PBX4: variants seen among roughly 807,000 people sequenced by gnomAD.
PBX4 encodes the protein pre-B-cell leukemia transcription factor 4.
A neutral mutation model predicts 35.1 loss-of-function variants in PBX4; 26 were observed. That is an observed-to-expected ratio of 0.74 (90% confidence interval 0.54 to 1.03). PBX4 has a LOEUF of 1.03. Ranked by LOEUF, PBX4 falls within the 50% of genes least tolerant of loss-of-function variation. The probability of loss-of-function intolerance (pLI) is 0.00; values close to 1 mark genes in which losing one functional copy is unlikely to be tolerated. For synonymous variants in PBX4, 199 were observed against 204.2 expected, an observed-to-expected ratio of 0.97 and a Z score of 0.22; for missense variants, 448 against 504.3, an observed-to-expected ratio of 0.89 and a Z score of 1.07.
In PBX4 at chr19:19,570,821, C is replaced by CG; in HGVS notation, c.205dup (p.Arg69ProfsTer10). On this transcript the variant is annotated frameshift_variant, in exon 3 of 8. Transcript: ENST00000251203. LOFTEE classifies it high-confidence loss of function. ...AGGGGGATCTTCGTCTTGAATGCCA[C>CG]GGATGCTTACCACTAGATAAGAGAG... 6.2e-7 allele frequency: 1 copy of CG among 1,613,974 alleles called. No homozygotes were observed. The highest frequency in any genetic ancestry group is 1.3e-5 in the African/African-American group (1 of 75,020).
chr19:19,561,996 C>G lies in PBX4; in HGVS notation c.*29G>C. 6.3e-7 allele frequency: 1 copy of G among 1,582,028 alleles called. No homozygotes were observed. Among genetic ancestry groups the G allele is most frequent in the Non-Finnish European group, 8.7e-7 (1 of 1,155,762 alleles). ...GGCTGGCGATACATGGCAGCTCACG[C>G]AGCGCTCTTTCCTGCTTATCCCCCA... On this transcript the variant is annotated 3_prime_UTR_variant, in exon 8 of 8. Transcript: ENST00000251203.
intron 2 of PBX4, among the ~76,000 whole-genome samples, chr19:19,588,855 G>T (rs577676690): frequency 6.6e-6 from 1 of 152,316 alleles, no homozygotes; most frequent in Non-Finnish European, 1.5e-5. Context: ...GTTCACCAGG[G>T]CTGGACAGGT....
intron 1 of PBX4, among the ~76,000 whole-genome samples, chr19:19,600,816 C>CAA (rs35643130): frequency 1.1e-5 from 1 of 88,738 alleles, no homozygotes; most frequent in Non-Finnish European, 2.3e-5. Flanking sequence ...GACTCCATCT[C>CAA]AAAAAAAAAA....
intron 1 of PBX4, among the ~76,000 whole-genome samples, chr19:19,612,620 G>A (rs970319300): frequency 1.3e-5 from 2 of 152,132 alleles, no homozygotes; most frequent in Non-Finnish European, 2.9e-5. Context: ...GCCCATTTGA[G>A]GATGGATGAT....
intron 1 of PBX4, among the ~76,000 whole-genome samples, chr19:19,606,924 A>G (rs34725331): frequency 0.76 from 115,014 of 151,966 alleles, 43,607 homozygotes; most frequent in South Asian, 0.8. Flanking sequence ...CCAGGAGGTG[A>G]AGGTTGCAGT....
At chr19:19,592,384 G>T (rs1454051105) in intron 2 of PBX4, among the ~76,000 whole-genome samples, 1 of 152,174 alleles carries the variant, frequency 6.6e-6, no homozygotes, top group Non-Finnish European at 1.5e-5. Context: ...GGTTTGGGAG[G>T]AAATGCATAC....
At chr19:19,569,335 C>T (rs2061365302) in intron 5 of PBX4, 114 bp downstream of exon 5, 1 of 1,360,876 alleles carries the variant, frequency 7.3e-7, no homozygotes, top group South Asian at 1.7e-5. Context: ...GCTGGGATTC[C>T]AGCAGCCATG....
chr19:19,584,934 T>G (rs1296989203), intron 2 of PBX4, among the ~76,000 whole-genome samples: 3 of 152,056 alleles, frequency 2.0e-5, no homozygotes, highest in Admixed American at 2.0e-4. Context: ...GGCTGTTTTA[T>G]CTTATGGTTT....
chr19:19,614,371 C>T (rs1207813022), intron 1 of PBX4, among the ~76,000 whole-genome samples: 1 of 151,772 alleles, frequency 6.6e-6, no homozygotes, highest in East Asian at 1.9e-4. Context: ...CAGTGGCTCA[C>T]GCCTGTAATC....
rs1369929255 is a variant in PBX4, at chr19:19,562,735, C to G, written c.1033-618G>C. 2.0e-5 allele frequency among the ~76,000 whole-genome samples: 3 copies of G among 152,208 alleles called. No individual in the cohort carries two copies. The East Asian group carries it at 5.8e-4, about 29-fold the overall frequency. On this transcript the variant is annotated intron_variant, in intron 7 of 7. Transcript: ENST00000251203. The surrounding 1 kb of genome is among the most constrained non-coding windows in gnomAD (Gnocchi z 4.8). ...GGAGCAGCTCAGACGGGTGCACCAC[C>G]TGGGGGCACTCTGCTCTGAACTGGG...
At chr19:19,597,175 T>C (rs1317698432) in intron 2 of PBX4, among the ~76,000 whole-genome samples, 1 of 152,190 alleles carries the variant, frequency 6.6e-6, no homozygotes, top group Non-Finnish European at 1.5e-5. Context: ...ATCGTGCCAT[T>C]GCACTCCAGC....
chr19:19,613,318 A>G (rs2061672450), intron 1 of PBX4, among the ~76,000 whole-genome samples: 1 of 150,478 alleles, frequency 6.6e-6, no homozygotes, highest in Non-Finnish European at 1.5e-5. Context: ...AAATACCAAA[A>G]TTAGCCGGGC....
chr19:19,618,500 GC>G lies in PBX4; in HGVS notation c.119+10del. ...ACCCTGCGTGGCCCCTGCCGAGCCC[GC>G]GGGCAGCACCTGGCCTGTGCCTCGT... is the stretch of plus-strand genomic sequence containing the variant. On this transcript the variant is annotated intron_variant, in intron 1 of 7. Transcript: ENST00000251203. 1 of 1,471,492 alleles carries G rather than the reference GC, an allele frequency of 6.8e-7. No homozygotes were observed. The highest frequency in any genetic ancestry group is 9.0e-7 in the Non-Finnish European group (1 of 1,106,724). 91.2% of individuals were successfully genotyped at this position (1,471,492 alleles called of 1,614,324 possible).
Position 19,568,049 on chromosome 19 carries a change from C to T in PBX4, c.768+1400G>A, listed in dbSNP as rs573187017. Among the ~76,000 whole-genome samples the T allele has an allele frequency of 3.3e-3, 494 of 150,582 alleles. 4 individuals carry two copies. Among genetic ancestry groups the T allele is most frequent in the African/African-American group, 0.012 (489 of 40,826 alleles). The stretch of plus-strand genomic sequence containing the variant: ...CCATCTTTATCCCTCAGGGAGCTCA[C>T]ATTCCATCAGTATCCCTCAGGGAGC... On this transcript the variant is annotated intron_variant, in intron 5 of 7. Coordinates refer to ENST00000251203, the MANE Select transcript of PBX4 (RefSeq NM_025245.3).
At chr19:19,594,454 G>T (rs2061549029) in intron 2 of PBX4, among the ~76,000 whole-genome samples, 1 of 151,794 alleles carries the variant, frequency 6.6e-6, no homozygotes, top group South Asian at 2.1e-4. Context: ...GATGGGGGTA[G>T]GGAGGTGGGG....
chr19:19,588,696 C>T (rs537899113), intron 2 of PBX4, among the ~76,000 whole-genome samples: 1 of 152,290 alleles, frequency 6.6e-6, no homozygotes, highest in East Asian at 1.9e-4. Flanking sequence ...GCCTCTTTGG[C>T]TGAGTCTCAC....
At chr19:19,588,769 G>A (rs1433224024) in intron 2 of PBX4, among the ~76,000 whole-genome samples, 2 of 152,112 alleles carry the variant, frequency 1.3e-5, no homozygotes, top group East Asian at 1.9e-4. Flanking sequence ...CCCAGCCTGC[G>A]AATCAAAGAG....
At position 19,614,706 on chromosome 19, in the gene PBX4, A is replaced by AAAAC. The variant is rs543027482; in HGVS notation, c.119+3801_119+3804dup. On this transcript the variant is annotated intron_variant, in intron 1 of 7. Coordinates refer to ENST00000251203, the MANE Select transcript of PBX4 (RefSeq NM_025245.3). ...CAAAAAACAGCCAAACAAACAAACA[A>AAAAC]AAACAAACAAACAAACAAAAAACCA... Among the ~76,000 whole-genome samples the AAAAC allele has an allele frequency of 2.4e-3, 370 of 152,116 alleles. 1 individual carries two copies. The highest frequency in any genetic ancestry group is 8.6e-3 in the African/African-American group (356 of 41,502).
chr19:19,600,045 G>A (rs2061587522), intron 1 of PBX4, among the ~76,000 whole-genome samples: 1 of 151,814 alleles, frequency 6.6e-6, no homozygotes, highest in Non-Finnish European at 1.5e-5. Flanking sequence ...AGGTGGGTGA[G>A]GCAGGAGAAA....
Sources: allele counts gnomAD v4.1 joint callset (sites outside exome capture counted in the v4.1 genomes callset), GRCh38; gene constraint gnomAD v4.1.1; non-coding constraint Gnocchi (gnomAD v3.1); transcripts MANE v1.5; gene names NCBI Gene and HGNC (gene_info 2026-07-23, HGNC 2026-07-21).